Variants in HDAC4 observed in about 807,000 individuals in gnomAD.
HDAC4 encodes the protein histone deacetylase 4.
In HDAC4, 16 loss-of-function variants were observed where a neutral mutation model predicts 135.1. That is an observed-to-expected ratio of 0.12 (90% CI 0.08 to 0.18). The LOEUF (loss-of-function observed/expected upper bound fraction) is 0.18. Ranked by LOEUF, HDAC4 falls within the 10% of genes least tolerant of loss-of-function variation. The pLI is 1.00. For missense variants in HDAC4, 1,143 were observed against 1,511.8 expected (o/e 0.76, Z 4.05); for synonymous variants, 685 against 653.4 (o/e 1.05, Z -0.74).
intron 3 of HDAC4, among the ~76,000 whole-genome samples, chr2:239,214,498 G>A (rs2046516101): frequency 6.6e-6 from 1 of 152,160 alleles, no homozygotes. Flanking sequence ...CATTTCGGGG[G>A]TTCCATTATT....
intron 1 of HDAC4, among the ~76,000 whole-genome samples, chr2:239,363,238 G>A (rs1257388993): frequency 3.3e-5 from 5 of 152,226 alleles, no homozygotes; most frequent in Non-Finnish European, 4.4e-5. Flanking sequence ...CAAAGTAATC[G>A]GCAGTCAATG....
At chr2:239,129,374 T>C (rs2040412262) in intron 11 of HDAC4, among the ~76,000 whole-genome samples, 1 of 152,212 alleles carries the variant, frequency 6.6e-6, no homozygotes, top group African/African-American at 2.4e-5. Flanking sequence ...CAGGGACTTT[T>C]GAGCATAAGT....
At chr2:239,319,087 G>A (rs747701111) in intron 2 of HDAC4, among the ~76,000 whole-genome samples, 5 of 151,732 alleles carry the variant, frequency 3.3e-5, no homozygotes, top group Non-Finnish European at 4.4e-5. Flanking sequence ...ACTCTCAGAC[G>A]AACAAAAAAC....
chr2:239,145,947 A>G (rs997223575), intron 7 of HDAC4, among the ~76,000 whole-genome samples: 2 of 152,212 alleles, frequency 1.3e-5, no homozygotes, highest in Admixed American at 6.5e-5. Context: ...TCTTGGAAGG[A>G]TGTGGGAGAA....
Position 239,248,673 on chromosome 2 carries a change from AC to A in HDAC4, c.23-12010del, listed in dbSNP as rs2048606771. On this transcript the variant is annotated intron_variant, in intron 2 of 26. Transcript: ENST00000543185. ...AGGCACTTATCTCTGGGTTTCATTC[AC>A]AGAAGTAGTACTCATGGTTCTCACC... 2.0e-5 allele frequency among the ~76,000 whole-genome samples: 3 copies of A among 152,202 alleles called. No homozygotes were observed. The South Asian group carries it at 6.2e-4, about 32-fold the overall frequency.
At chr2:239,248,891 G>A (rs2124907306) in intron 2 of HDAC4, among the ~76,000 whole-genome samples, 1 of 152,314 alleles carries the variant, frequency 6.6e-6, no homozygotes, top group Middle Eastern at 3.4e-3. Flanking sequence ...ATTCATTCAA[G>A]TTTTCCTGAA....
intron 3 of HDAC4, among the ~76,000 whole-genome samples, chr2:239,193,627 C>T (rs1387128183): frequency 1.3e-5 from 2 of 152,216 alleles, no homozygotes; most frequent in Admixed American, 1.3e-4. Flanking sequence ...AGCCTGCCAT[C>T]TGCAATCCTA....
intron 3 of HDAC4, among the ~76,000 whole-genome samples, chr2:239,230,368 C>CAAAAAAAAAAAAAAAAAAAAAACAA (rs56105562): frequency 5.0e-5 from 4 of 79,394 alleles, no homozygotes; most frequent in Non-Finnish European, 7.0e-5. Flanking sequence ...AGCAAGCAAG[C>CAAAAAAAAAAAAAAAAAAAAAACAA]AAAAAAAAAA....
At chr2:239,140,784 A>G (rs1176394901) in intron 8 of HDAC4, 3 of 319,428 alleles carry the variant, frequency 9.4e-6, no homozygotes, top group Non-Finnish European at 2.0e-5. Context: ...CCCTCAACGG[A>G]GCCATCCCCA....
At chr2:239,289,235 G>A (rs2051317869) in intron 2 of HDAC4, among the ~76,000 whole-genome samples, 1 of 152,204 alleles carries the variant, frequency 6.6e-6, no homozygotes, top group Non-Finnish European at 1.5e-5. Context: ...AAGTATGAAA[G>A]ACAAAACGTC....
At chr2:239,333,451 G>A (rs1691717756) in intron 2 of HDAC4, among the ~76,000 whole-genome samples, 1 of 151,974 alleles carries the variant, frequency 6.6e-6, no homozygotes, top group Non-Finnish European at 1.5e-5. Context: ...ATGTGACAAA[G>A]CATTTCAAGA....
At chr2:239,247,694 G>A (rs1324457811) in intron 2 of HDAC4, among the ~76,000 whole-genome samples, 1 of 152,212 alleles carries the variant, frequency 6.6e-6, no homozygotes, top group Non-Finnish European at 1.5e-5. Context: ...TGGAAAATAG[G>A]TGCATGTTAA....
At chr2:239,126,393 G>A (rs1397315018) in intron 12 of HDAC4, 63 bp downstream of exon 12, 23 of 1,610,302 alleles carry the variant, frequency 1.4e-5, no homozygotes, top group Non-Finnish European at 1.8e-5. Flanking sequence ...GCTGAAGCCT[G>A]AGGCTGAAGC....
At chr2:239,144,739 C>T (rs1338788043) in intron 7 of HDAC4, 25 bp from the exon 8 acceptor site, 10 of 1,613,396 alleles carry the variant, frequency 6.2e-6, no homozygotes, top group South Asian at 1.1e-5. Flanking sequence ...GATGTCATTA[C>T]AGCCAGGCAG....
chr2:239,109,282 C>T (rs2038450262), intron 14 of HDAC4, among the ~76,000 whole-genome samples: 1 of 152,244 alleles, frequency 6.6e-6, no homozygotes, highest in African/African-American at 2.4e-5. Context: ...TTCATCCAGG[C>T]TGATAAGGGC....
At chr2:239,109,200 G>C (rs1426114737) in intron 14 of HDAC4, among the ~76,000 whole-genome samples, 1 of 152,248 alleles carries the variant, frequency 6.6e-6, no homozygotes, top group African/African-American at 2.4e-5. Context: ...TTAACAAAGG[G>C]AAGGCCAGGC....
intron 16 of HDAC4, among the ~76,000 whole-genome samples, chr2:239,101,950 C>T (rs540154940): frequency 6.0e-5 from 9 of 149,492 alleles, no homozygotes; most frequent in African/African-American, 2.2e-4. Flanking sequence ...ACGCTCCCCG[C>T]CCAGGGTCTG....
At chr2:239,269,903 C>T (rs756282725) in intron 2 of HDAC4, among the ~76,000 whole-genome samples, 6 of 152,224 alleles carry the variant, frequency 3.9e-5, no homozygotes, top group Non-Finnish European at 8.8e-5. Context: ...CGGATCTCAT[C>T]CCAGCACTTT....
At chr2:239,311,949 C>T (rs927837906) in intron 2 of HDAC4, among the ~76,000 whole-genome samples, 1 of 152,152 alleles carries the variant, frequency 6.6e-6, no homozygotes, top group African/African-American at 2.4e-5. Context: ...AGGTTCCTTC[C>T]AGAGCAGGGG....
Sources: allele counts gnomAD v4.1 joint callset (sites outside exome capture counted in the v4.1 genomes callset), GRCh38; gene constraint gnomAD v4.1.1; transcripts MANE v1.5; gene names NCBI Gene and HGNC (gene_info 2026-07-23, HGNC 2026-07-21).